Variants in MYOF observed in about 807,000 individuals in gnomAD.
MYOF encodes the protein myoferlin.
MYOF carries 244 observed loss-of-function variants against 284.2 expected under a neutral mutation model. The ratio of observed to expected loss-of-function variants is 0.86; its 90% CI spans 0.77 to 0.95. The LOEUF (loss-of-function observed/expected upper bound fraction) is 0.95. Ranked by LOEUF, MYOF falls within the 40% of genes least tolerant of loss-of-function variation. The probability of loss-of-function intolerance (pLI) is 0.00; values close to 1 mark genes in which losing one functional copy is unlikely to be tolerated. For synonymous variants in MYOF, 904 were observed against 919.7 expected (o/e 0.98, Z 0.31); for missense variants, 2,496 against 2,560.6 (o/e 0.97, Z 0.54).
intron 1 of MYOF, among the ~76,000 whole-genome samples, chr10:93,462,392 AT>A (rs1325148939): frequency 2.6e-5 from 4 of 152,060 alleles, no homozygotes; most frequent in Non-Finnish European, 5.9e-5. Flanking sequence ...TACATGCATC[AT>A]TTCATTGAAT....
intron 1 of MYOF, among the ~76,000 whole-genome samples, chr10:93,463,985 G>A (rs982363725): frequency 6.6e-6 from 1 of 152,150 alleles, no homozygotes; most frequent in Non-Finnish European, 1.5e-5. Context: ...CTAGGCTATG[G>A]TGGTGTCTAA....
chr10:93,337,999 A>C, intron 39 of MYOF, 86 bp from the exon 40 acceptor site: 1 of 967,168 alleles, frequency 1.0e-6, no homozygotes, highest in Non-Finnish European at 1.7e-6. Context: ...ATAGTTAAGA[A>C]GAAATAGGTT....
chr10:93,372,540 C>G (rs534180908), intron 24 of MYOF, among the ~76,000 whole-genome samples: 10 of 152,248 alleles, frequency 6.6e-5, no homozygotes, highest in African/African-American at 2.4e-4. Context: ...CAATCTATTG[C>G]TCATTAGGTT....
chr10:93,361,886 T>C (rs1845091924), intron 27 of MYOF, among the ~76,000 whole-genome samples: 1 of 152,216 alleles, frequency 6.6e-6, no homozygotes. Context: ...GCAACTCTCT[T>C]TATGAGGGGT....
intron 4 of MYOF, among the ~76,000 whole-genome samples, chr10:93,426,598 G>A (rs779466227): frequency 2.7e-4 from 41 of 152,284 alleles, no homozygotes; most frequent in Admixed American, 1.1e-3. Flanking sequence ...TTTTAAAGAA[G>A]AATTTTAGGG....
intron 20 of MYOF, 40 bp downstream of exon 20, chr10:93,381,179 A>G (rs1225755822): frequency 2.5e-6 from 4 of 1,606,740 alleles, no homozygotes; most frequent in East Asian, 4.5e-5. Context: ...TGGTGCACCC[A>G]TTGTAAACGT....
At chr10:93,353,548 C>T (rs572919933) in intron 32 of MYOF, among the ~76,000 whole-genome samples, 1 of 152,036 alleles carries the variant, frequency 6.6e-6, no homozygotes, top group Non-Finnish European at 1.5e-5. Flanking sequence ...ATCACTTTCT[C>T]GGTGCTTCTT....
At chr10:93,411,957 G>T (rs532676860) in intron 5 of MYOF, among the ~76,000 whole-genome samples, 3 of 152,214 alleles carry the variant, frequency 2.0e-5, no homozygotes, top group African/African-American at 4.8e-5. Flanking sequence ...TACTCACTGA[G>T]TGTGACTCCC....
chr10:93,471,751 T>C (rs1033654057), intron 1 of MYOF, among the ~76,000 whole-genome samples: 2 of 152,032 alleles, frequency 1.3e-5, no homozygotes, highest in African/African-American at 4.8e-5. Context: ...TAGCCGGGCA[T>C]TGTGGCATGC....
At chr10:93,441,667 G>A (rs2056261377) in intron 3 of MYOF, among the ~76,000 whole-genome samples, 1 of 150,532 alleles carries the variant, frequency 6.6e-6, no homozygotes, top group Non-Finnish European at 1.5e-5. Flanking sequence ...GCATTCAAGC[G>A]ATTCTCCTAC....
intron 12 of MYOF, 112 bp from the exon 13 acceptor site, chr10:93,399,607 C>T: frequency 1.5e-6 from 1 of 684,802 alleles, no homozygotes; most frequent in Non-Finnish European, 2.4e-6. Context: ...GGCGCAGTGG[C>T]TCATGCCTGT....
chr10:93,465,881 G>C (rs1047558122), intron 1 of MYOF, among the ~76,000 whole-genome samples: 5 of 152,196 alleles, frequency 3.3e-5, no homozygotes, highest in African/African-American at 9.7e-5. Context: ...CCAGGCTGTG[G>C]AGCTCCGGAG....
chr10:93,386,405 C>G (rs1362773688), intron 19 of MYOF, among the ~76,000 whole-genome samples: 1 of 152,162 alleles, frequency 6.6e-6, no homozygotes, highest in Non-Finnish European at 1.5e-5. Flanking sequence ...GGCTCCGTGT[C>G]TCTTTAGTAA....
chr10:93,387,721 G>C, intron 19 of MYOF, 76 bp downstream of exon 19: 1 of 1,264,656 alleles, frequency 7.9e-7, no homozygotes, highest in Non-Finnish European at 1.2e-6. Context: ...GTTGCCTTCC[G>C]ACTCCCCCAG....
intron 19 of MYOF, among the ~76,000 whole-genome samples, chr10:93,384,969 C>T (rs1037348024): frequency 3.3e-5 from 5 of 152,300 alleles, no homozygotes; most frequent in Admixed American, 6.5e-5. Context: ...CCTGATGGAG[C>T]AGCTGGAAGA....
chr10:93,373,695 G>A (rs937531070), intron 23 of MYOF, among the ~76,000 whole-genome samples: 2 of 152,098 alleles, frequency 1.3e-5, no homozygotes, highest in African/African-American at 4.8e-5. Flanking sequence ...TTTTTCAAGC[G>A]TATTTCTACC....
In MYOF at chr10:93,381,249, T is replaced by G; in HGVS notation, c.1846A>C (p.Thr616Pro). The G allele has an allele frequency of 6.2e-7, 1 of 1,614,244 alleles. No individual in the cohort carries two copies. The highest frequency in any genetic ancestry group is 8.5e-7 in the Non-Finnish European group (1 of 1,180,042). The change falls in exon 20 of 54, where the codon ACA becomes CCA. Residue 616 changes from threonine (T) to proline (P), a missense_variant. Transcript: ENST00000359263. The part of the protein sequence containing the change: ...FDTTCKPLAS[T>P]TQYSRAVFDG... ...AATACAGCACGGCTGTACTGAGTTG[T>G]TGATGCCAAAGGCTTACAGGTGGTG...
At chr10:93,356,441 A>G (rs1844806950) in intron 30 of MYOF, among the ~76,000 whole-genome samples, 1 of 152,236 alleles carries the variant, frequency 6.6e-6, no homozygotes, top group Non-Finnish European at 1.5e-5. Flanking sequence ...AACACTAGGT[A>G]AAGCAGGTGT....
Position 93,398,232 on chromosome 10 carries a change from G to T in MYOF, c.1222-776C>A, listed in dbSNP as rs149463922. On this transcript the variant is annotated intron_variant, in intron 13 of 53. Coordinates refer to ENST00000359263, the MANE Select transcript of MYOF (RefSeq NM_013451.4). Reference sequence around the variant, plus strand: ...TTTTCTTCCTTGGGGCCCTTCCATCGCCCTTCTCCCTGCCTGGATGCCTCC... The same window carrying T: ...TTTTCTTCCTTGGGGCCCTTCCATCTCCCTTCTCCCTGCCTGGATGCCTCC... 2.8e-3 allele frequency among the ~76,000 whole-genome samples: 428 copies of T among 152,032 alleles called. 2 individuals are homozygous for T. Among genetic ancestry groups the T allele is most frequent in the African/African-American group, 9.6e-3 (399 of 41,442 alleles).
Sources: allele counts gnomAD v4.1 joint callset (sites outside exome capture counted in the v4.1 genomes callset), GRCh38; gene constraint gnomAD v4.1.1; transcripts MANE v1.5; gene names NCBI Gene and HGNC (gene_info 2026-07-23, HGNC 2026-07-21).